The following SAMMSON variants were observed in gnomAD, a reference collection of about 807,000 sequenced individuals.
SAMMSON encodes survival associated mitochondrial melanoma specific oncogenic non-coding RNA, also known as long intergenic non-protein coding RNA 1212.
At chr3:70,109,656 TCAAGAG>T (rs2067380553) in intron 4 of SAMMSON, among the ~76,000 whole-genome samples, 1 of 152,126 alleles carries the variant, frequency 6.6e-6, no homozygotes, top group Non-Finnish European at 1.5e-5. Context: ...GAGATACTGA[TCAAGAG>T]CATCTCCACG....
intron 4 of SAMMSON, among the ~76,000 whole-genome samples, chr3:70,136,598 T>G (rs575506805): frequency 6.6e-6 from 1 of 152,356 alleles, no homozygotes; most frequent in South Asian, 2.1e-4. Context: ...TGTGAGATAG[T>G]AAATGTTTAC....
At chr3:70,331,846 A>G (rs1702624090) in intron 7 of SAMMSON, among the ~76,000 whole-genome samples, 1 of 152,222 alleles carries the variant, frequency 6.6e-6, no homozygotes, top group African/African-American at 2.4e-5. Context: ...AGAATTTATC[A>G]AGTGCCAGGA....
At chr3:70,362,467 G>T (rs1702880132) in intron 9 of SAMMSON, among the ~76,000 whole-genome samples, 1 of 151,940 alleles carries the variant, frequency 6.6e-6, no homozygotes, top group South Asian at 2.1e-4. Context: ...TAGGTTTATG[G>T]TAGAACCATA....
At chr3:70,216,230 C>T (rs980780774) in intron 4 of SAMMSON, among the ~76,000 whole-genome samples, 1 of 150,024 alleles carries the variant, frequency 6.7e-6, no homozygotes, top group Non-Finnish European at 1.5e-5. Flanking sequence ...AATCCATATA[C>T]AATTAGAATA....
intron 3 of SAMMSON, among the ~76,000 whole-genome samples, chr3:70,064,109 GTGCC>G (rs1402123649): frequency 6.6e-6 from 1 of 152,098 alleles, no homozygotes; most frequent in Non-Finnish European, 1.5e-5. Flanking sequence ...CCAGTTCTAA[GTGCC>G]AGATCTATAC....
chr3:70,404,817 C>A (rs1251687043), intron 2 of SAMMSON, among the ~76,000 whole-genome samples: 2 of 152,116 alleles, frequency 1.3e-5, no homozygotes, highest in African/African-American at 4.8e-5. Flanking sequence ...AACAATCTCC[C>A]TGAGTTGAGG....
At chr3:70,169,091 G>A (rs957435834) in intron 4 of SAMMSON, among the ~76,000 whole-genome samples, 1 of 151,950 alleles carries the variant, frequency 6.6e-6, no homozygotes, top group African/African-American at 2.4e-5. Flanking sequence ...TAAAAAGAAA[G>A]TTTCTATCAT....
At chr3:70,287,507 G>A (rs1294221457) in intron 6 of SAMMSON, among the ~76,000 whole-genome samples, 3 of 151,898 alleles carry the variant, frequency 2.0e-5, no homozygotes, top group African/African-American at 7.2e-5. Flanking sequence ...AAGGATATTG[G>A]TCTAAAATTC....
At position 70,013,161 on chromosome 3, in the gene SAMMSON, A is replaced by G. The variant is rs369794488; in HGVS notation, n.265-359A>G. Among the ~76,000 whole-genome samples, 8 of 152,262 alleles carry G rather than the reference A, an allele frequency of 5.3e-5. No homozygotes were observed. In the East Asian group the frequency reaches 9.6e-4, roughly 18 times the overall value. On this transcript the variant is annotated intron_variant and non_coding_transcript_variant, in intron 2 of 9. Coordinates refer to ENST00000642114, the Ensembl canonical transcript of SAMMSON. The stretch of plus-strand genomic sequence containing the variant: ...GCATATAGTAAATGTGATGATGATG[A>G]TGATGATGATGGTGATAATCATGAT...
At chr3:70,041,981 A>G (rs2107586719) in intron 3 of SAMMSON, among the ~76,000 whole-genome samples, 1 of 152,076 alleles carries the variant, frequency 6.6e-6, no homozygotes, top group South Asian at 2.1e-4. Context: ...CATTATTTGG[A>G]CTCTGGTGCA....
At chr3:70,282,253 G>A (rs1702092976) in intron 6 of SAMMSON, among the ~76,000 whole-genome samples, 1 of 152,074 alleles carries the variant, frequency 6.6e-6, no homozygotes, top group Admixed American at 6.6e-5. Context: ...GTGAGCAATG[G>A]GACCTAGAAG....
At chr3:70,110,453 G>C (rs138663929) in intron 4 of SAMMSON, among the ~76,000 whole-genome samples, 1 of 152,164 alleles carries the variant, frequency 6.6e-6, no homozygotes. Context: ...ATGTAGGGGG[G>C]TAGTGTGGAA....
At chr3:70,131,043 G>A (rs978310002) in intron 4 of SAMMSON, among the ~76,000 whole-genome samples, 30 of 152,138 alleles carry the variant, frequency 2.0e-4, no homozygotes, top group Admixed American at 5.2e-4. Context: ...TATAACCATT[G>A]TTTGGTTACC....
chr3:70,363,239 A>T lies in SAMMSON; in HGVS notation n.913+4915A>T, dbSNP rs146389803. Among the ~76,000 whole-genome samples the T allele has an allele frequency of 4.1e-3, 617 of 152,190 alleles. 7 individuals are homozygous for T. The highest frequency in any genetic ancestry group is 0.014 in the African/African-American group (592 of 41,568). ...GCTAACATCATACTGAATGGGCAAA[A>T]ATTGAAAGCCTTTCCTTTAAGAACT... is the stretch of plus-strand genomic sequence containing the variant. On this transcript the variant is annotated intron_variant and non_coding_transcript_variant, in intron 9 of 9. Coordinates refer to ENST00000642114, the Ensembl canonical transcript of SAMMSON.
At chr3:70,098,273 A>G (rs1451632629) in intron 4 of SAMMSON, among the ~76,000 whole-genome samples, 2 of 152,188 alleles carry the variant, frequency 1.3e-5, no homozygotes, top group African/African-American at 4.8e-5. Context: ...GAATCCCTGC[A>G]AACTGAAAGC....
chr3:70,123,633 T>C (rs1195129393), intron 4 of SAMMSON, among the ~76,000 whole-genome samples: 4 of 152,218 alleles, frequency 2.6e-5, no homozygotes, highest in Admixed American at 6.5e-5. Flanking sequence ...ATTATGGCGT[T>C]CAGCCATGCT....
intron 4 of SAMMSON, among the ~76,000 whole-genome samples, chr3:70,237,979 C>CTTTATTTTTTTTT (rs1701627930): frequency 2.0e-5 from 1 of 48,932 alleles, no homozygotes; most frequent in African/African-American, 1.1e-4. Context: ...TGAGTGGTAT[C>CTTTATTTTTTTTT]TTTTTTTTTT....
rs1407783306 is a variant in SAMMSON, at chr3:70,074,759, G to A, written n.507+3194G>A. ...TGCATGTCCCCCACCTCCAATCCCA[G>A]CCTAGGCTTTAGCATCATTGAACAT... On this transcript the variant is annotated intron_variant and non_coding_transcript_variant, in intron 4 of 9. Transcript: ENST00000642114. The A allele has an allele frequency of 3.3e-5, 5 of 152,152 alleles. No individual in the cohort carries two copies. The East Asian group carries it at 9.7e-4, about 30-fold the overall frequency. 9.4% of individuals were successfully genotyped at this position (152,152 alleles called of 1,614,324 possible).
At chr3:70,220,060 A>T (rs1701448564) in intron 4 of SAMMSON, among the ~76,000 whole-genome samples, 1 of 152,166 alleles carries the variant, frequency 6.6e-6, no homozygotes, top group African/African-American at 2.4e-5. Context: ...GTACCCAGGC[A>T]AGGAAAACTA....
Sources: allele counts gnomAD v4.1 joint callset (sites outside exome capture counted in the v4.1 genomes callset), GRCh38; gene constraint gnomAD v4.1.1; transcripts MANE v1.5; gene names NCBI Gene and HGNC (gene_info 2026-07-23, HGNC 2026-07-21).